The following GRIN2A variants were observed in gnomAD, a reference collection of about 807,000 sequenced individuals.
GRIN2A encodes the protein glutamate ionotropic receptor NMDA type subunit 2A, also known as glutamate receptor ionotropic, NMDA 2A.
In GRIN2A, 22 loss-of-function variants were observed where a neutral mutation model predicts 113.4. The ratio of observed to expected loss-of-function variants is 0.19; its 90% confidence interval spans 0.14 to 0.28. GRIN2A has a LOEUF of 0.28. GRIN2A is among the 10% of genes least tolerant of loss of function. The probability of loss-of-function intolerance (pLI) is 1.00; values close to 1 mark genes in which losing one functional copy is unlikely to be tolerated. For missense variants in GRIN2A, 1,502 were observed against 1,887.0 expected, an observed-to-expected ratio of 0.80 and a Z score of 3.78; for synonymous variants, 827 against 738.4, an observed-to-expected ratio of 1.12 and a Z score of -1.94.
chr16:10,125,275 C>G (rs935522255), intron 2 of GRIN2A, among the ~76,000 whole-genome samples: 2 of 152,148 alleles, frequency 1.3e-5, no homozygotes, highest in Non-Finnish European at 2.9e-5. Flanking sequence ...TGACACAACA[C>G]CAGTACGGGA....
chr16:9,916,610 C>A (rs1333754722), intron 3 of GRIN2A, among the ~76,000 whole-genome samples: 1 of 152,194 alleles, frequency 6.6e-6, no homozygotes, highest in Non-Finnish European at 1.5e-5. Context: ...TGGTATTCCA[C>A]CTCGGAGGTG....
At chr16:9,874,590 A>T (rs142417543) in intron 4 of GRIN2A, among the ~76,000 whole-genome samples, 2 of 152,282 alleles carry the variant, frequency 1.3e-5, no homozygotes, top group African/African-American at 4.8e-5. Context: ...CTGATATATG[A>T]ACGCCACCCA....
At chr16:10,148,750 T>C (rs143309630) in intron 2 of GRIN2A, among the ~76,000 whole-genome samples, 25 of 152,162 alleles carry the variant, frequency 1.6e-4, no homozygotes, top group African/African-American at 5.3e-4. Context: ...GAAATCAGTA[T>C]ATCAAAGAGA....
At chr16:9,965,855 T>C (rs977032681) in intron 2 of GRIN2A, among the ~76,000 whole-genome samples, 3 of 152,360 alleles carry the variant, frequency 2.0e-5, no homozygotes, top group African/African-American at 7.2e-5. Context: ...TGTCTGTGGC[T>C]GCCTTTGTGC....
At chr16:10,111,760 G>A in intron 2 of GRIN2A, 1 of 1,503,014 alleles carries the variant, frequency 6.7e-7, no homozygotes, top group Non-Finnish European at 9.2e-7. Context: ...CTCACACACT[G>A]TGGGTGATGT....
At chr16:9,813,510 GT>G (rs574229776) in intron 10 of GRIN2A, among the ~76,000 whole-genome samples, 249 of 119,896 alleles carry the variant, frequency 2.1e-3, no homozygotes, top group Middle Eastern at 0.011. Flanking sequence ...TTTTTAGTCT[GT>G]TTTTTTTGCC....
intron 3 of GRIN2A, among the ~76,000 whole-genome samples, chr16:9,930,118 T>G (rs903612691): frequency 6.6e-6 from 1 of 152,158 alleles, no homozygotes; most frequent in African/African-American, 2.4e-5. Flanking sequence ...GGCTGTTGAC[T>G]TAGTGCTCAG....
intron 2 of GRIN2A, among the ~76,000 whole-genome samples, chr16:10,003,648 T>A (rs909294709): frequency 2.6e-5 from 4 of 152,146 alleles, no homozygotes; most frequent in African/African-American, 7.2e-5. Context: ...ACGAATGACA[T>A]GAGAATGAGT....
chr16:10,129,936 G>T (rs35602117), intron 2 of GRIN2A, among the ~76,000 whole-genome samples: 13,504 of 152,244 alleles, frequency 0.089, 631 homozygotes, highest in Middle Eastern at 0.12. Context: ...GTAGAAGCAT[G>T]TTTCATGGAT....
chr16:9,819,764 G>C (rs2042245890), intron 10 of GRIN2A, among the ~76,000 whole-genome samples: 1 of 151,906 alleles, frequency 6.6e-6, no homozygotes, highest in Non-Finnish European at 1.5e-5. Context: ...AGAAGTTCAA[G>C]ATGTGCCTAG....
chr16:9,829,573 G>C lies in GRIN2A; in HGVS notation c.1857C>G (p.Val619=). The part of the protein sequence containing the change: ...WGLVFNNSVP[V]QNPKGTTSKI... The stretch of plus-strand genomic sequence containing the variant: ...TGCTGGTGGTCCCTTTAGGATTCTG[G>C]ACAGGCACGGAGTTATTGAACACCA... Residue 619 remains valine (V), a synonymous_variant, in exon 9 of 13, where the codon GTC becomes GTG. Transcript: ENST00000330684. 6.2e-7 allele frequency: 1 copy of C among 1,613,934 alleles called. No homozygotes were observed. The highest frequency in any genetic ancestry group is 2.2e-5 in the East Asian group (1 of 44,860).
chr16:9,803,179 C>T (rs950797398), intron 10 of GRIN2A, among the ~76,000 whole-genome samples: 3 of 151,944 alleles, frequency 2.0e-5, no homozygotes, highest in African/African-American at 2.4e-5. Context: ...CCGAGGTGGG[C>T]GGATCACCTG....
chr16:10,010,098 C>G (rs1460979112), intron 2 of GRIN2A, among the ~76,000 whole-genome samples: 2 of 152,244 alleles, frequency 1.3e-5, no homozygotes, highest in Non-Finnish European at 2.9e-5. Context: ...GCTTTCTACT[C>G]CCTAGTACTG....
At chr16:9,972,164 A>G (rs12932206) in intron 2 of GRIN2A, among the ~76,000 whole-genome samples, 59,962 of 152,050 alleles carry the variant, frequency 0.39, 12,001 homozygotes, top group South Asian at 0.52. Flanking sequence ...ACAAGGCTCA[A>G]AGTAGTTTGC....
intron 3 of GRIN2A, among the ~76,000 whole-genome samples, chr16:9,904,814 TAAC>T (rs932332900): frequency 6.6e-6 from 1 of 152,210 alleles, no homozygotes; most frequent in Non-Finnish European, 1.5e-5. Flanking sequence ...TTTCAGTCCA[TAAC>T]AACCACACAG....
At chr16:10,145,764 C>T (rs1056518152) in intron 2 of GRIN2A, among the ~76,000 whole-genome samples, 28 of 152,176 alleles carry the variant, frequency 1.8e-4, no homozygotes, top group African/African-American at 6.3e-4. Context: ...TGCTTAACTC[C>T]GCTGTTGTAA....
intron 2 of GRIN2A, among the ~76,000 whole-genome samples, chr16:10,117,398 A>C (rs1448080300): frequency 2.0e-5 from 3 of 152,246 alleles, no homozygotes; most frequent in Non-Finnish European, 4.4e-5. Context: ...GATAAAATGA[A>C]TTAAGATTGT....
At chr16:9,886,083 C>G (rs551044082) in intron 4 of GRIN2A, among the ~76,000 whole-genome samples, 1 of 152,184 alleles carries the variant, frequency 6.6e-6, no homozygotes, top group East Asian at 1.9e-4. Flanking sequence ...TAAGGTAGCA[C>G]AGAAAATTCA....
chr16:9,893,733 C>T (rs1567378308), intron 3 of GRIN2A, among the ~76,000 whole-genome samples: 1 of 152,150 alleles, frequency 6.6e-6, no homozygotes, highest in Non-Finnish European at 1.5e-5. Flanking sequence ...TCCCAAAGTG[C>T]TGGGATTACA....
Sources: allele counts gnomAD v4.1 joint callset (sites outside exome capture counted in the v4.1 genomes callset), GRCh38; gene constraint gnomAD v4.1.1; transcripts MANE v1.5; gene names NCBI Gene and HGNC (gene_info 2026-07-23, HGNC 2026-07-21).